Variants in GLIS3 observed in about 807,000 individuals in gnomAD.
GLIS3 encodes the protein zinc finger protein GLIS3.
GLIS3 carries 53 observed loss-of-function variants against 78.6 expected under a neutral mutation model. That is an observed-to-expected ratio of 0.67 (90% CI 0.54 to 0.85). The LOEUF (loss-of-function observed/expected upper bound fraction) is 0.85. GLIS3 is among the 40% of genes least tolerant of loss of function. GLIS3 has a pLI of 0.00. For missense variants in GLIS3, 1,703 were observed against 1,231.1 expected, an observed-to-expected ratio of 1.38 and a Z score of -5.74; for synonymous variants, 684 against 509.9, an observed-to-expected ratio of 1.34 and a Z score of -4.60.
chr9:4,296,292 G>GAAA (rs201201304), intron 1 of GLIS3, among the ~76,000 whole-genome samples: 12 of 116,272 alleles, frequency 1.0e-4, no homozygotes, highest in African/African-American at 3.5e-4. Flanking sequence ...ACAGTCAGAG[G>GAAA]AAAAAAAAAA....
intron 4 of GLIS3, among the ~76,000 whole-genome samples, chr9:4,092,098 T>C (rs992346820): frequency 6.6e-6 from 1 of 152,058 alleles, no homozygotes; most frequent in Non-Finnish European, 1.5e-5. Flanking sequence ...ACTAAATCTA[T>C]TAAAAATTTT....
intron 2 of GLIS3, among the ~76,000 whole-genome samples, chr9:4,202,115 G>A (rs1297818771): frequency 6.6e-6 from 1 of 151,544 alleles, no homozygotes; most frequent in African/African-American, 2.4e-5. Flanking sequence ...TATAGCCTGG[G>A]TGACAGAGCA....
At chr9:4,336,153 G>A (rs1239283274) in intron 2 of GLIS3, among the ~76,000 whole-genome samples, 4 of 152,182 alleles carry the variant, frequency 2.6e-5, no homozygotes, top group African/African-American at 9.7e-5. Context: ...ATAGTTCTCT[G>A]GCTCTAGCCC....
At chr9:4,301,517 C>T (rs552538185), upstream of GLIS3, among the ~76,000 whole-genome samples, 1 of 152,342 alleles carries the variant, frequency 6.6e-6, no homozygotes, top group South Asian at 2.1e-4. Context: ...TCCTCATTAA[C>T]TCCAGCCTTA....
the GLIS3 span, among the ~76,000 whole-genome samples, chr9:4,394,284 G>C: frequency 7.3e-5 from 11 of 150,062 alleles, no homozygotes; most frequent in East Asian, 2.1e-3. Flanking sequence ...AAAATTATGA[G>C]ATTTAAAATT....
intron 2 of GLIS3, among the ~76,000 whole-genome samples, chr9:4,259,663 A>C (rs1165720335): frequency 2.0e-5 from 3 of 152,302 alleles, no homozygotes; most frequent in African/African-American, 7.2e-5. Flanking sequence ...TAACCCAAAT[A>C]ACACAAGATA....
In GLIS3 at chr9:3,901,260, T is replaced by C. The variant is rs566295895; in HGVS notation, c.1984-2425A>G. 6.1e-5 allele frequency: 11 copies of C among 179,946 alleles called. No individual in the cohort carries two copies. The South Asian group carries it at 1.2e-3, about 20-fold the overall frequency. The allele number at this position is 179,946 out of a possible 1,614,324, so 11.1% of individuals were successfully genotyped here. A position where few individuals can be genotyped will look rare whatever the true frequency, so the allele number is the denominator to read the frequency against. The stretch of plus-strand genomic sequence containing the variant: ...CCTTGTTGCTCACACTTAGCCTGTC[T>C]GGGTAGTCTCTTCAATTAGGCACGC... On this transcript the variant is annotated intron_variant, in intron 6 of 10. Transcript: ENST00000381971.
chr9:4,453,856 G>C, the GLIS3 span, among the ~76,000 whole-genome samples: 3 of 151,652 alleles, frequency 2.0e-5, no homozygotes, highest in East Asian at 1.9e-4. Context: ...CATGGGGTGG[G>C]AGGAAGGGGA....
chr9:4,398,977 G>A, the GLIS3 span, among the ~76,000 whole-genome samples: 6 of 152,124 alleles, frequency 3.9e-5, no homozygotes, highest in African/African-American at 7.2e-5. Context: ...GTGAGCCACC[G>A]TACCCAGCCT....
At chr9:4,360,529 A>G in the GLIS3 span, among the ~76,000 whole-genome samples, 4 of 152,172 alleles carry the variant, frequency 2.6e-5, no homozygotes, top group Non-Finnish European at 4.4e-5. Flanking sequence ...TCGCCACTTT[A>G]GCCTTTTCCG....
At chr9:4,193,451 G>T (rs899021369) in intron 2 of GLIS3, among the ~76,000 whole-genome samples, 2 of 152,202 alleles carry the variant, frequency 1.3e-5, no homozygotes, top group African/African-American at 2.4e-5. Flanking sequence ...TACAGAAAAG[G>T]TTTGCAGACT....
intron 2 of GLIS3, among the ~76,000 whole-genome samples, chr9:4,207,649 C>T (rs1474406274): frequency 6.6e-6 from 1 of 152,120 alleles, no homozygotes; most frequent in Non-Finnish European, 1.5e-5. Flanking sequence ...GTGACATAAG[C>T]ATAATCGTAC....
In GLIS3 at chr9:4,142,013, G is replaced by T. The variant is rs187047958; in HGVS notation, c.389-16072C>A. 1.2e-3 allele frequency among the ~76,000 whole-genome samples: 176 copies of T among 152,226 alleles called. 1 individual carries two copies. The highest frequency in any genetic ancestry group is 4.1e-3 in the African/African-American group (170 of 41,532). On this transcript the variant is annotated intron_variant, in intron 2 of 10. Coordinates refer to ENST00000381971, the MANE Select transcript of GLIS3 (RefSeq NM_001042413.2). ...TTTCATCTCTGCACCTTGTAGATGC[G>T]AATCCAGACACGGTACCAGCAATAA...
chr9:3,866,680 C>G (rs907637644), intron 8 of GLIS3, among the ~76,000 whole-genome samples: 3 of 152,128 alleles, frequency 2.0e-5, no homozygotes, highest in African/African-American at 4.8e-5. Flanking sequence ...GTGGCTGGAA[C>G]AGATTAAACA....
chr9:3,903,362 C>T (rs1488453181), intron 6 of GLIS3, among the ~76,000 whole-genome samples: 1 of 152,200 alleles, frequency 6.6e-6, no homozygotes, highest in African/African-American at 2.4e-5. Context: ...AGAACTTGCC[C>T]TTTACAAAGC....
At chr9:4,035,879 C>T (rs1341372711) in intron 4 of GLIS3, 1 of 152,334 alleles carries the variant, frequency 6.6e-6, no homozygotes, top group Non-Finnish European at 1.5e-5. Context: ...CTCCCGTCTT[C>T]ACTCTTGCAG....
At chr9:4,440,193 G>C in the GLIS3 span, among the ~76,000 whole-genome samples, 1 of 151,978 alleles carries the variant, frequency 6.6e-6, no homozygotes, top group Non-Finnish European at 1.5e-5. Flanking sequence ...TTTTTAGTTT[G>C]TTGTAATCCC....
At chr9:4,176,854 C>T (rs1486947961) in intron 2 of GLIS3, among the ~76,000 whole-genome samples, 3 of 152,262 alleles carry the variant, frequency 2.0e-5, no homozygotes, top group Admixed American at 6.5e-5. Flanking sequence ...AAACTCCTGA[C>T]CTCAGGTGAT....
intron 2 of GLIS3, among the ~76,000 whole-genome samples, chr9:4,346,554 A>G (rs1044025061): frequency 1.3e-5 from 2 of 152,222 alleles, no homozygotes; most frequent in Admixed American, 1.3e-4. Context: ...CAAAATGTCA[A>G]TCAACTGATA....
Sources: gnomAD v4.1 joint callset for allele counts (sites outside exome capture counted in the v4.1 genomes callset) on GRCh38, gnomAD v4.1.1 for gene constraint, MANE v1.5 for transcripts, NCBI Gene and HGNC (gene_info 2026-07-23, HGNC 2026-07-21) for gene names.